The following NIF3L1 variants were observed in gnomAD, a reference collection of about 807,000 sequenced individuals.
NIF3L1 encodes the protein NGG1 interacting factor 3 like 1, also known as NIF3-like protein 1.
Under a neutral mutation model 35.0 loss-of-function variants are expected in NIF3L1, and 26 were observed. The observed-to-expected ratio is 0.74, with a 90% confidence interval of 0.54 to 1.03. The LOEUF is 1.03. Among genes scored for constraint, NIF3L1 ranks in the 50% least tolerant of loss-of-function variants. The probability of loss-of-function intolerance (pLI) is 0.00; values close to 1 mark genes in which losing one functional copy is unlikely to be tolerated. For missense variants in NIF3L1, 449 were observed against 466.3 expected, an observed-to-expected ratio of 0.96 and a Z score of 0.34; for synonymous variants, 157 against 178.9, an observed-to-expected ratio of 0.88 and a Z score of 0.98.
At chr2:200,898,778 G>C (rs1399591953) in intron 5 of NIF3L1, among the ~76,000 whole-genome samples, 3 of 152,132 alleles carry the variant, frequency 2.0e-5, no homozygotes, top group African/African-American at 7.2e-5. Context: ...TGCTTTTTGA[G>C]AATAAATAGT....
Position 200,893,406 on chromosome 2 carries a change from T to G in NIF3L1, c.597T>G (p.Ala199=), listed in dbSNP as rs2040241108. Residue 199 remains alanine, a splice_region_variant and synonymous_variant, in exon 3 of 7, where the codon GCT becomes GCG. Coordinates refer to ENST00000409020, the MANE Select transcript of NIF3L1 (RefSeq NM_001369441.2). ...IDGVSVTSFS[A]RTGNEEQTRI... is the part of the protein sequence containing the mutation. ...GTGTTTCTGTCACTTCTTTTTCTGC[T>G]AGGTACAATTTATTTTTCTCTTTTT... 1.9e-6 allele frequency: 3 copies of G among 1,613,926 alleles called. No individual in the cohort carries two copies. The East Asian group carries it at 6.7e-5, about 36-fold the overall frequency.
At chr2:200,893,917 G>A (rs1214941635) in intron 3 of NIF3L1, among the ~76,000 whole-genome samples, 1 of 152,140 alleles carries the variant, frequency 6.6e-6, no homozygotes, top group African/African-American at 2.4e-5. Context: ...GCTCACACCT[G>A]TAATCCCAGC....
rs115358042 is a variant in NIF3L1, at chr2:200,899,257, C to T, written c.866-128C>T. 2,930 of 558,132 alleles carry T rather than the reference C, an allele frequency of 5.2e-3. 65 individuals are homozygous for T. The highest frequency in any genetic ancestry group is 0.05 in the African/African-American group (2,646 of 52,682). The allele number at this position is 558,132 out of a possible 1,614,324, so 34.6% of individuals were successfully genotyped here. On this transcript the variant is annotated intron_variant, in intron 5 of 6. Coordinates refer to ENST00000409020, the MANE Select transcript of NIF3L1 (RefSeq NM_001369441.2). ...TGTTTTTTTTAAAATGCAGTAAGAA[C>T]AATTCATATACTGGTGATGAGACCA...
chr2:200,891,122 C>T (rs1199726417), intron 1 of NIF3L1, among the ~76,000 whole-genome samples: 1 of 152,054 alleles, frequency 6.6e-6, no homozygotes, highest in Admixed American at 6.6e-5. Context: ...CCATGCCCAG[C>T]TAATTTTTGT....
At chr2:200,899,111 TC>T (rs2040367301) in intron 5 of NIF3L1, 4 of 319,440 alleles carry the variant, frequency 1.3e-5, no homozygotes, top group Non-Finnish European at 2.3e-5. Flanking sequence ...TGTGCATTGT[TC>T]CGTATTTTGC....
chr2:200,893,317 G>A lies in NIF3L1; in HGVS notation c.508G>A (p.Glu170Lys). 6.2e-7 allele frequency: 1 copy of A among 1,611,576 alleles called. No homozygotes were observed. The highest frequency in any genetic ancestry group is 8.5e-7 in the Non-Finnish European group (1 of 1,178,710). The change falls in exon 3 of 7, where the codon GAA (glutamate) becomes AAA (lysine). Residue 170 changes from glutamate (E) to lysine (K), a missense_variant. Glu to Lys is a moderately conservative substitution (Grantham distance 56). Transcript: ENST00000409020. The stretch of plus-strand genomic sequence containing the variant: ...CCCTACAGAGGGAAACCACCGAGTA[G>A]AATTCAACGTTAACTACACCCAAGA... ...NYPTEGNHRV[E>K]FNVNYTQDLD...
chr2:200,892,943 A>G (rs1013702207), intron 2 of NIF3L1, among the ~76,000 whole-genome samples: 1 of 152,212 alleles, frequency 6.6e-6, no homozygotes, highest in Non-Finnish European at 1.5e-5. Flanking sequence ...TTTACCAAGC[A>G]GTAGACCATT....
At chr2:200,896,588 T>C (rs1438954033) in intron 4 of NIF3L1, among the ~76,000 whole-genome samples, 1 of 152,180 alleles carries the variant, frequency 6.6e-6, no homozygotes. Context: ...ACAGTTTTAT[T>C]ATTTTGTTTA....
At chr2:200,890,284 A>T (rs1490669784) in intron 1 of NIF3L1, among the ~76,000 whole-genome samples, 1 of 152,110 alleles carries the variant, frequency 6.6e-6, no homozygotes. Context: ...GCTTGAGCTC[A>T]GGAAGTCGAG....
At chr2:200,902,853 G>T (rs1264739878) in intron 6 of NIF3L1, among the ~76,000 whole-genome samples, 1 of 152,106 alleles carries the variant, frequency 6.6e-6, no homozygotes, top group South Asian at 2.1e-4. Context: ...TTTTCTGAAG[G>T]CCTCATTTTA....
At position 200,899,441 on chromosome 2, in the gene NIF3L1, G is replaced by C; in HGVS notation, c.922G>C (p.Gly308Arg). 1 of 1,613,984 alleles carries C rather than the reference G, an allele frequency of 6.2e-7. No homozygotes were observed. Among genetic ancestry groups the C allele is most frequent in the Non-Finnish European group, 8.5e-7 (1 of 1,179,948 alleles). ...TGGTTCTGGGAGCAGCGTTCTGCAG[G>C]GTGTTGAGGCTGACCTTTACCTCAC... is the stretch of plus-strand genomic sequence containing the variant. ...CAGSGSSVLQGVEADLYLTGE... is the reference protein window; with the variant it reads ...CAGSGSSVLQRVEADLYLTGE... Residue 308 changes from glycine to arginine, a missense_variant, in exon 6 of 7, where the codon GGT becomes CGT. Transcript: ENST00000409020.
chr2:200,897,412 C>G lies in NIF3L1; in HGVS notation c.865+198C>G, dbSNP rs956130771. ...GACTTAATCAATGAGATTTATTTCT[C>G]TGTCATGCTATGTGTTCATTTCAAG... On this transcript the variant is annotated intron_variant, in intron 5 of 6. Transcript: ENST00000409020. Among the ~76,000 whole-genome samples the G allele has an allele frequency of 2.0e-5, 3 of 152,064 alleles. No individual in the cohort carries two copies. In the East Asian group the frequency reaches 5.8e-4, roughly 29 times the overall value.
In NIF3L1 at chr2:200,891,901, CTTTGT is replaced by C; in HGVS notation, c.-26-12_-26-8del. ...CTAAAGTATACCTGTGTACCATTTT[CTTTGT>C]TTTGACATCAGAAACTTGAACTTTA... On this transcript the variant is annotated splice_polypyrimidine_tract_variant and intron_variant, in intron 1 of 6. Coordinates refer to ENST00000409020, the MANE Select transcript of NIF3L1 (RefSeq NM_001369441.2). 1 of 1,457,304 alleles carries C rather than the reference CTTTGT, an allele frequency of 6.9e-7. No homozygotes were observed. Among genetic ancestry groups the C allele is most frequent in the Non-Finnish European group, 9.3e-7 (1 of 1,072,824 alleles). 90.3% of individuals were successfully genotyped at this position (1,457,304 alleles called of 1,614,324 possible).
intron 6 of NIF3L1, among the ~76,000 whole-genome samples, chr2:200,902,085 G>C (rs749383206): frequency 6.6e-6 from 1 of 152,094 alleles, no homozygotes; most frequent in African/African-American, 2.4e-5. Context: ...ACTTATAGGT[G>C]TTTTCTTATG....
At chr2:200,891,883 A>G (rs972661375) in intron 1 of NIF3L1, 35 bp from the exon 2 acceptor site, 23 of 1,298,758 alleles carry the variant, frequency 1.8e-5, no homozygotes, top group Non-Finnish European at 2.3e-5. Flanking sequence ...GGCCTAAAGT[A>G]TACCTGTGTA....
intron 2 of NIF3L1, among the ~76,000 whole-genome samples, chr2:200,892,769 C>T (rs1480881396): frequency 2.6e-5 from 4 of 152,174 alleles, no homozygotes; most frequent in African/African-American, 9.7e-5. Flanking sequence ...TGAATGTTTA[C>T]TTATGCCTAG....
chr2:200,891,863 C>T, intron 1 of NIF3L1, 55 bp from the exon 2 acceptor site: 1 of 1,136,326 alleles, frequency 8.8e-7, no homozygotes, highest in Non-Finnish European at 1.2e-6. Flanking sequence ...TTTGATGCCT[C>T]AAAGATCCAG....
chr2:200,901,803 T>C (rs2040413435), intron 6 of NIF3L1, among the ~76,000 whole-genome samples: 1 of 152,240 alleles, frequency 6.6e-6, no homozygotes, highest in Admixed American at 6.5e-5. Context: ...CTTCAGCTAT[T>C]ATTGCAGGGT....
chr2:200,893,468 A>G, intron 3 of NIF3L1, 60 bp downstream of exon 3: 1 of 1,520,494 alleles, frequency 6.6e-7, no homozygotes. Context: ...TTCCTTACAA[A>G]GTCTATAACC....
Sources: gnomAD v4.1 joint callset for allele counts (sites outside exome capture counted in the v4.1 genomes callset) on GRCh38, gnomAD v4.1.1 for gene constraint, MANE v1.5 for transcripts, NCBI Gene and HGNC (gene_info 2026-07-23, HGNC 2026-07-21) for gene names.